ERN1: variants seen among roughly 807,000 people sequenced by gnomAD.
The protein encoded by ERN1 is endoplasmic reticulum to nucleus signaling 1.
In ERN1, 39 loss-of-function variants were observed where a neutral mutation model predicts 113.1. That is an observed-to-expected ratio of 0.34 (90% confidence interval 0.27 to 0.45). ERN1 has a LOEUF of 0.45. Among genes scored for constraint, ERN1 ranks in the 20% least tolerant of loss-of-function variants. ERN1 has a pLI of 1.00. For synonymous variants in ERN1, 507 were observed against 515.9 expected (o/e 0.98, Z 0.23); for missense variants, 976 against 1,274.8 (o/e 0.77, Z 3.57).
intron 1 of ERN1, among the ~76,000 whole-genome samples, chr17:64,107,469 GC>G (rs1222612127): frequency 6.6e-6 from 1 of 151,866 alleles, no homozygotes; most frequent in Non-Finnish European, 1.5e-5. Flanking sequence ...CTACAAGCAT[GC>G]ACCACTATGC....
At chr17:64,055,589 T>A in intron 13 of ERN1, 86 bp downstream of exon 13, 1 of 1,271,546 alleles carries the variant, frequency 7.9e-7, no homozygotes, top group Non-Finnish European at 1.1e-6. Context: ...AGAATGGTAG[T>A]TTACAATCTT....
chr17:64,057,265 G>A (rs569115133), intron 12 of ERN1, among the ~76,000 whole-genome samples: 2 of 152,332 alleles, frequency 1.3e-5, no homozygotes. Context: ...GCTCTTAGCT[G>A]AAAAACACTA....
In ERN1 at chr17:64,054,220, A is replaced by C; in HGVS notation, c.1953+30T>G. 2 of 1,567,532 alleles carry C rather than the reference A, an allele frequency of 1.3e-6. No individual in the cohort carries two copies. The highest frequency in any genetic ancestry group is 1.7e-6 in the Non-Finnish European group (2 of 1,154,234). ...CTCCCAAAGTGCTATGACTTTAATA[A>C]AGTTAACAAAATAAAAAAAATAAAT... On this transcript the variant is annotated intron_variant, in intron 15 of 21. Coordinates refer to ENST00000433197, the MANE Select transcript of ERN1 (RefSeq NM_001433.5). This position sits in a 1 kb window ranked among gnomAD's most constrained non-coding sequence, Gnocchi z 4.9.
chr17:64,110,321 T>C (rs1000743938), intron 1 of ERN1, among the ~76,000 whole-genome samples: 6 of 152,204 alleles, frequency 3.9e-5, no homozygotes, highest in African/African-American at 1.4e-4. Flanking sequence ...AATTAACATA[T>C]CCATTACCTT....
Position 64,069,006 on chromosome 17 carries a change from A to G in ERN1, c.479-715T>C, listed in dbSNP as rs1206764317. 2.0e-5 allele frequency among the ~76,000 whole-genome samples: 3 copies of G among 152,382 alleles called. No individual in the cohort carries two copies. The South Asian group carries it at 6.2e-4, about 32-fold the overall frequency. On this transcript the variant is annotated intron_variant, in intron 6 of 21. Transcript: ENST00000433197. ...AATACAGAGGAACTATAAAGGGTCC[A>G]GGACTGAATATCGCTGGAAAAGATT...
intron 1 of ERN1, among the ~76,000 whole-genome samples, chr17:64,110,759 C>T (rs73992932): frequency 0.05 from 7,604 of 152,278 alleles, 621 homozygotes; most frequent in African/African-American, 0.17. Context: ...GTAATTTCAG[C>T]ATAGGTTTTC....
chr17:64,043,690 T>C lies in ERN1; in HGVS notation c.*298A>G, dbSNP rs900352743. On this transcript the variant is annotated 3_prime_UTR_variant, in exon 22 of 22. Transcript: ENST00000433197. ...GAATTTAAAAAGTCTGAAGCAAGTT[T>C]ATCCAGTAGATGGCTGGGGGTGCTA... 2 of 312,184 alleles carry C rather than the reference T, an allele frequency of 6.4e-6. No homozygotes were observed. Among genetic ancestry groups the C allele is most frequent in the East Asian group, 5.2e-5 (1 of 19,154 alleles). 19.3% of individuals were successfully genotyped at this position (312,184 alleles called of 1,614,324 possible). A position where few individuals can be genotyped will look rare whatever the true frequency, so the allele number is the denominator to read the frequency against.
At chr17:64,047,499 G>A (rs1912548570) in intron 19 of ERN1, among the ~76,000 whole-genome samples, 1 of 152,186 alleles carries the variant, frequency 6.6e-6, no homozygotes, top group Non-Finnish European at 1.5e-5. Context: ...GAATAAAGGA[G>A]TGCTCATTAT....
chr17:64,060,339 T>C (rs541864689), intron 11 of ERN1, 130 bp downstream of exon 11: 14 of 661,380 alleles, frequency 2.1e-5, no homozygotes, highest in South Asian at 2.0e-4. Flanking sequence ...TGTTTTTTGC[T>C]TTGGATTCTG....
chr17:64,097,233 A>G (rs1301948521), intron 2 of ERN1, among the ~76,000 whole-genome samples: 1 of 152,188 alleles, frequency 6.6e-6, no homozygotes, highest in African/African-American at 2.4e-5. Flanking sequence ...TCATCTATGG[A>G]TGGTAACGAG....
At chr17:64,090,724 C>T (rs1914065071) in intron 2 of ERN1, among the ~76,000 whole-genome samples, 1 of 152,008 alleles carries the variant, frequency 6.6e-6, no homozygotes, top group Admixed American at 6.6e-5. Context: ...AGGAGCCATC[C>T]GAAATGAGAA....
intron 1 of ERN1, among the ~76,000 whole-genome samples, chr17:64,120,472 A>G (rs549548047): frequency 7.0e-6 from 1 of 143,402 alleles, no homozygotes; most frequent in Non-Finnish European, 1.5e-5. Flanking sequence ...TTCATCTGAC[A>G]GAGAGGGGGG....
intron 1 of ERN1, among the ~76,000 whole-genome samples, chr17:64,119,645 G>C (rs959769523): frequency 2.0e-5 from 3 of 151,974 alleles, no homozygotes; most frequent in African/African-American, 7.3e-5. Flanking sequence ...GCCCGTCTCA[G>C]CCTCCCAAAG....
chr17:64,069,805 C>T (rs765876198), intron 6 of ERN1, among the ~76,000 whole-genome samples: 4 of 152,152 alleles, frequency 2.6e-5, no homozygotes, highest in Non-Finnish European at 5.9e-5. Flanking sequence ...GCATCATCTA[C>T]CTCCAGACCT....
rs543994532 is a variant in ERN1 at position 64,129,862 on chromosome 17, G to C, written c.54+114C>G. 29 of 1,030,540 alleles carry C rather than the reference G, an allele frequency of 2.8e-5. No individual in the cohort carries two copies. The African/African-American group carries it at 4.4e-4, about 16-fold the overall frequency. The allele number at this position is 1,030,540 out of a possible 1,614,324, so 63.8% of individuals were successfully genotyped here. ...CCACGGCTGGGCTCACGGGGCATCT[G>C]GCCGCCGCCGTCGCGCTCCCAGCTC... On this transcript the variant is annotated intron_variant, in intron 1 of 21. Transcript: ENST00000433197.
intron 1 of ERN1, among the ~76,000 whole-genome samples, chr17:64,108,993 G>A (rs887811875): frequency 3.9e-5 from 6 of 151,992 alleles, no homozygotes; most frequent in African/African-American, 7.2e-5. Context: ...GCGTGGTGGC[G>A]GGCACCTGTA....
intron 2 of ERN1, among the ~76,000 whole-genome samples, chr17:64,086,819 G>C (rs769367318): frequency 1.3e-5 from 2 of 151,332 alleles, no homozygotes; most frequent in Non-Finnish European, 2.9e-5. Context: ...GCTAATTTTT[G>C]TATTTGTAGT....
chr17:64,086,879 C>T (rs1379193970), intron 2 of ERN1, among the ~76,000 whole-genome samples: 2 of 151,772 alleles, frequency 1.3e-5, no homozygotes, highest in African/African-American at 4.8e-5. Context: ...TTCCTGACCT[C>T]GTGATTCACC....
chr17:64,117,692 G>A (rs986321680), intron 1 of ERN1, among the ~76,000 whole-genome samples: 1 of 152,078 alleles, frequency 6.6e-6, no homozygotes, highest in Non-Finnish European at 1.5e-5. Flanking sequence ...GAGTACAGTG[G>A]TCAGGGAAGG....
Sources: allele counts gnomAD v4.1 joint callset (sites outside exome capture counted in the v4.1 genomes callset), GRCh38; gene constraint gnomAD v4.1.1; non-coding constraint Gnocchi (gnomAD v3.1); transcripts MANE v1.5; gene names NCBI Gene and HGNC (gene_info 2026-07-23, HGNC 2026-07-21).